Variants in ESR2 observed in about 807,000 individuals in gnomAD.
The protein encoded by ESR2 is estrogen receptor 2, also known as estrogen receptor beta.
Under a neutral mutation model 49.6 loss-of-function variants are expected in ESR2, and 36 were observed. The observed-to-expected ratio is 0.73, with a 90% CI of 0.56 to 0.96. The LOEUF (loss-of-function observed/expected upper bound fraction) is 0.96, where lower values mean the gene tolerates loss of function less well. Ranked by LOEUF, ESR2 falls within the 40% of genes least tolerant of loss-of-function variation. ESR2 has a pLI of 0.00. For synonymous variants in ESR2, 320 were observed against 266.1 expected, an observed-to-expected ratio of 1.20 and a Z score of -1.97; for missense variants, 714 against 693.0, an observed-to-expected ratio of 1.03 and a Z score of -0.34.
chr14:64,321,923 G>A (rs1044132498), intron 1 of ESR2, among the ~76,000 whole-genome samples: 1 of 152,048 alleles, frequency 6.6e-6, no homozygotes, highest in Non-Finnish European at 1.5e-5. Context: ...TGGGAGAGAG[G>A]GGACATGGGA....
intron 1 of ESR2, among the ~76,000 whole-genome samples, chr14:64,303,088 C>A (rs1394259542): frequency 6.6e-6 from 1 of 152,106 alleles, no homozygotes; most frequent in Non-Finnish European, 1.5e-5. Flanking sequence ...GCATGAGCCA[C>A]CGCGCCCAGC....
intron 1 of ESR2, among the ~76,000 whole-genome samples, chr14:64,283,809 G>T (rs1418923803): frequency 1.8e-5 from 2 of 112,108 alleles, no homozygotes; most frequent in African/African-American, 3.5e-5. Flanking sequence ...GTTTTTAAAA[G>T]AAAGAAAACA....
In ESR2 at chr14:64,249,761, T is replaced by C. The variant is rs111948016; in HGVS notation, c.1092-82A>G. The C allele has an allele frequency of 1.1e-3, 1,599 of 1,413,392 alleles. 13 individuals are homozygous for C. The African/African-American group carries it at 0.02, about 18-fold the overall frequency. The allele number at this position is 1,413,392 out of a possible 1,614,324, so 87.6% of individuals were successfully genotyped here. On this transcript the variant is annotated intron_variant, in intron 6 of 8. Transcript: ENST00000341099. ...ACAATAAGGAATGTTTTATTTTTAA[T>C]CTCAAGTTTCATCTTGTAACATGTT...
Position 64,260,443 on chromosome 14 carries a change from C to A in ESR2, c.952+6G>T. On this transcript the variant is annotated splice_donor_region_variant and intron_variant, in intron 5 of 8. Coordinates refer to ENST00000341099, the MANE Select transcript of ESR2 (RefSeq NM_001437.3). The stretch of plus-strand genomic sequence containing the variant: ...ACATGGAAAACTGATAGCCAGAAAG[C>A]CCTACCGGGAATCTTCTTGGCCCAG... The A allele has an allele frequency of 6.6e-7, 1 of 1,522,718 alleles. No homozygotes were observed. The highest frequency in any genetic ancestry group is 8.8e-7 in the Non-Finnish European group (1 of 1,136,600). The allele number at this position is 1,522,718 out of a possible 1,614,324, so 94.3% of individuals were successfully genotyped here. A position where few individuals can be genotyped will look rare whatever the true frequency, so the allele number is the denominator to read the frequency against.
chr14:64,331,585 C>T (rs1014432633), intron 1 of ESR2, among the ~76,000 whole-genome samples: 7 of 151,994 alleles, frequency 4.6e-5, no homozygotes, highest in African/African-American at 1.4e-4. Flanking sequence ...CCAGCACTTT[C>T]GGAGGCCGAG....
intron 1 of ESR2, among the ~76,000 whole-genome samples, chr14:64,320,273 TA>T (rs1291271180): frequency 1.3e-5 from 2 of 151,770 alleles, no homozygotes; most frequent in African/African-American, 4.8e-5. Flanking sequence ...ACGGAGGTAG[TA>T]AAAAGATCAA....
At chr14:64,250,488 A>C (rs2075964965) in intron 6 of ESR2, among the ~76,000 whole-genome samples, 1 of 152,192 alleles carries the variant, frequency 6.6e-6, no homozygotes, top group African/African-American at 2.4e-5. Context: ...AGCCAGACAC[A>C]CATTATTCCA....
At chr14:64,258,202 C>T (rs918708090) in intron 5 of ESR2, among the ~76,000 whole-genome samples, 1 of 129,448 alleles carries the variant, frequency 7.7e-6, no homozygotes, top group Non-Finnish European at 1.6e-5. Context: ...GAGCGAGACC[C>T]TGTCTCAAAA....
At chr14:64,295,198 A>G (rs781227264), upstream of ESR2, among the ~76,000 whole-genome samples, 90 of 148,374 alleles carry the variant, frequency 6.1e-4, no homozygotes, top group Non-Finnish European at 9.7e-4. Context: ...CCATTGTGAG[A>G]ACCCCCCAGT....
intron 6 of ESR2, among the ~76,000 whole-genome samples, chr14:64,253,547 A>T (rs2076030591): frequency 7.0e-6 from 1 of 143,642 alleles, no homozygotes; most frequent in South Asian, 2.2e-4. Context: ...GGCCTCCCTT[A>T]GGGGTACACT....
At position 64,234,973 on chromosome 14, in the gene ESR2, G is replaced by C. The variant is rs764031807; in HGVS notation, c.1403C>G (p.Ala468Gly). 1 of 1,613,978 alleles carries C rather than the reference G, an allele frequency of 6.2e-7. No individual in the cohort carries two copies. Among genetic ancestry groups the C allele is most frequent in the East Asian group, 2.2e-5 (1 of 44,880 alleles). ...AGCAGCTCCTTAGGGCGCGTACCTC[G>C]CATGCCTGACGTGGGACAGGAGCAT... The part of the protein sequence containing the change: ...LLMLLSHVRH[A>G]SNKGMEHLLN... Residue 468 changes from alanine (A) to glycine (G), a missense_variant, in exon 8 of 9, where the codon GCG becomes GGG. Ala to Gly is a moderately conservative substitution (Grantham distance 60). Transcript: ENST00000341099.
intron 7 of ESR2, among the ~76,000 whole-genome samples, chr14:64,245,928 G>A (rs1440853047): frequency 1.3e-5 from 2 of 152,350 alleles, no homozygotes; most frequent in Admixed American, 6.5e-5. Flanking sequence ...AAGATGGGAA[G>A]GTACTCTTCA....
At chr14:64,319,767 C>G (rs182067738) in intron 1 of ESR2, among the ~76,000 whole-genome samples, 1 of 152,304 alleles carries the variant, frequency 6.6e-6, no homozygotes, top group East Asian at 1.9e-4. Context: ...ATCCAGAACA[C>G]TGACAACACC....
At chr14:64,337,053 ATC>A (rs1296063413) in intron 1 of ESR2, among the ~76,000 whole-genome samples, 2 of 152,252 alleles carry the variant, frequency 1.3e-5, no homozygotes, top group Non-Finnish European at 2.9e-5. Flanking sequence ...TCACTACGGT[ATC>A]TGATTCAATA....
intron 5 of ESR2, among the ~76,000 whole-genome samples, chr14:64,258,651 G>A (rs8003490): frequency 0.11 from 16,539 of 152,078 alleles, 1,220 homozygotes; most frequent in African/African-American, 0.21. Flanking sequence ...CAATTATAAC[G>A]CAAATCTGCC....
At chr14:64,335,364 A>G (rs2077516291) in intron 1 of ESR2, among the ~76,000 whole-genome samples, 1 of 152,210 alleles carries the variant, frequency 6.6e-6, no homozygotes, top group Admixed American at 6.5e-5. Flanking sequence ...CCACAGACTG[A>G]GTGGCTTTAA....
chr14:64,255,551 T>G (rs893687307), intron 6 of ESR2, among the ~76,000 whole-genome samples: 1 of 152,208 alleles, frequency 6.6e-6, no homozygotes, highest in African/African-American at 2.4e-5. Flanking sequence ...GAGAGTTAGT[T>G]TGCCATTTGG....
At chr14:64,277,564 G>A (rs2076579756) in intron 3 of ESR2, among the ~76,000 whole-genome samples, 1 of 147,696 alleles carries the variant, frequency 6.8e-6, no homozygotes, top group South Asian at 2.1e-4. Context: ...GGCAGAGCTT[G>A]CAGTGAGCCG....
chr14:64,293,599 C>T (rs536101950), intron 1 of ESR2, among the ~76,000 whole-genome samples: 22 of 152,268 alleles, frequency 1.4e-4, no homozygotes, highest in African/African-American at 4.8e-4. Flanking sequence ...AAAGGAGGAA[C>T]GCAGCTTGCT....
Sources: allele counts gnomAD v4.1 joint callset (sites outside exome capture counted in the v4.1 genomes callset), GRCh38; gene constraint gnomAD v4.1.1; transcripts MANE v1.5; gene names NCBI Gene and HGNC (gene_info 2026-07-23, HGNC 2026-07-21).